The following PEAK1 variants were observed in gnomAD, a reference collection of about 807,000 sequenced individuals.
PEAK1 encodes the protein pseudopodium enriched atypical kinase 1.
Under a neutral mutation model 124.7 loss-of-function variants are expected in PEAK1, and 54 were observed. The ratio of observed to expected loss-of-function variants is 0.43; its 90% CI spans 0.35 to 0.54. The LOEUF is 0.54. Among genes scored for constraint, PEAK1 ranks in the 20% least tolerant of loss-of-function variants. The pLI, the probability that PEAK1 is intolerant of heterozygous loss-of-function variation, is 0.01. For synonymous variants in PEAK1, 719 were observed against 760.0 expected (o/e 0.95, Z 0.89); for missense variants, 2,046 against 2,134.5 (o/e 0.96, Z 0.82).
intron 5 of PEAK1, among the ~76,000 whole-genome samples, chr15:77,263,937 C>T (rs950104735): frequency 6.6e-6 from 1 of 151,300 alleles, no homozygotes; most frequent in South Asian, 2.1e-4. Flanking sequence ...ACCTGGGATG[C>T]AAGGCTGGTT....
intron 6 of PEAK1, among the ~76,000 whole-genome samples, chr15:77,226,088 T>TATATATATATAA (rs2059661713): frequency 7.9e-6 from 1 of 125,838 alleles, no homozygotes; most frequent in African/African-American, 3.0e-5. Flanking sequence ...TATATATATA[T>TATATATATATAA]TACACACACA....
chr15:77,350,012 G>A, intron 2 of PEAK1: 1 of 984,676 alleles, frequency 1.0e-6, no homozygotes, highest in Non-Finnish European at 1.2e-6. Flanking sequence ...GGTTTAAGAA[G>A]AAGACATAGA....
intron 1 of PEAK1, among the ~76,000 whole-genome samples, chr15:77,369,967 C>T (rs1008794052): frequency 6.6e-6 from 1 of 152,148 alleles, no homozygotes; most frequent in Non-Finnish European, 1.5e-5. Context: ...CACTCTCCTC[C>T]AACTCTCCAC....
chr15:77,365,597 G>C (rs2068168167), intron 1 of PEAK1, among the ~76,000 whole-genome samples: 1 of 152,024 alleles, frequency 6.6e-6, no homozygotes, highest in African/African-American at 2.4e-5. Context: ...AAAATTAGCT[G>C]GACATGGTGG....
At chr15:77,263,320 G>GT (rs1245527493) in intron 5 of PEAK1, among the ~76,000 whole-genome samples, 5 of 152,050 alleles carry the variant, frequency 3.3e-5, no homozygotes, top group Admixed American at 6.6e-5. Context: ...CCAGGAGCTG[G>GT]TTTTTTGAAA....
intron 1 of PEAK1, among the ~76,000 whole-genome samples, chr15:77,368,117 A>G (rs1358579979): frequency 2.0e-5 from 3 of 152,244 alleles, no homozygotes; most frequent in Non-Finnish European, 4.4e-5. Flanking sequence ...TATATAACAT[A>G]TATTTAGAAT....
chr15:77,313,957 C>A (rs752728614), intron 2 of PEAK1, among the ~76,000 whole-genome samples: 1 of 151,892 alleles, frequency 6.6e-6, no homozygotes, highest in African/African-American at 2.4e-5. Flanking sequence ...CTGGCAAACA[C>A]TACCTTAGCC....
At chr15:77,221,031 CTAT>C (rs1337458340) in intron 6 of PEAK1, among the ~76,000 whole-genome samples, 1 of 152,048 alleles carries the variant, frequency 6.6e-6, no homozygotes, top group African/African-American at 2.4e-5. Flanking sequence ...AAGTATTCTA[CTAT>C]GAGGATAGAA....
intron 1 of PEAK1, among the ~76,000 whole-genome samples, chr15:77,374,369 T>C (rs1435568931): frequency 6.6e-6 from 1 of 152,178 alleles, no homozygotes; most frequent in Non-Finnish European, 1.5e-5. Context: ...GAAATGTACC[T>C]AGAACGTAAA....
At chr15:77,375,307 G>T (rs533913584) in intron 1 of PEAK1, among the ~76,000 whole-genome samples, 6 of 152,254 alleles carry the variant, frequency 3.9e-5, no homozygotes, top group South Asian at 2.1e-4. Flanking sequence ...CAGTCAGCTA[G>T]TAAGTGGCAA....
At chr15:77,338,525 A>G (rs1276673906) in intron 2 of PEAK1, among the ~76,000 whole-genome samples, 1 of 152,114 alleles carries the variant, frequency 6.6e-6, no homozygotes, top group African/African-American at 2.4e-5. Context: ...GTATTTCTAC[A>G]ATAGCTTCTG....
At chr15:77,219,295 C>T (rs2059282339) in intron 6 of PEAK1, among the ~76,000 whole-genome samples, 1 of 151,500 alleles carries the variant, frequency 6.6e-6, no homozygotes, top group South Asian at 2.1e-4. Context: ...GATTGATGAC[C>T]CCGAAATTTT....
rs1567270268 is a variant in PEAK1 at position 77,332,145 on chromosome 15, T to TAA, written c.-603+33016_-603+33017dup. ...TCTCAAAAAAATATAAAAATAAATTTAAAAATAAGTTGCTTTAGAGAATAG... is the reference window on the plus strand; with the variant it reads ...TCTCAAAAAAATATAAAAATAAATTTAAAAAAATAAGTTGCTTTAGAGAATAG... On this transcript the variant is annotated intron_variant, in intron 2 of 9. Transcript: ENST00000682557. 3.2e-5 allele frequency: 29 copies of TAA among 920,574 alleles called. No individual in the cohort carries two copies. In the African/African-American group the frequency reaches 5.2e-4, roughly 17 times the overall value. The allele number at this position is 920,574 out of a possible 1,614,324, so 57.0% of individuals were successfully genotyped here.
chr15:77,349,563 G>A, intron 2 of PEAK1: 1 of 984,540 alleles, frequency 1.0e-6, no homozygotes, highest in Non-Finnish European at 1.2e-6. Context: ...ATTTAAACCA[G>A]ATAGGTGGGT....
intron 1 of PEAK1, chr15:77,418,402 T>C: frequency 1.0e-6 from 1 of 985,328 alleles, no homozygotes; most frequent in Non-Finnish European, 1.2e-6. Flanking sequence ...CATGATAAAA[T>C]ATTTCCCTTT....
intron 2 of PEAK1, chr15:77,336,175 T>C: frequency 1.0e-6 from 1 of 985,416 alleles, no homozygotes. Flanking sequence ...ACCTACTTGT[T>C]CTACAACCAC....
At chr15:77,371,329 TTTAA>T (rs2068626323) in intron 1 of PEAK1, 3 of 915,264 alleles carry the variant, frequency 3.3e-6, no homozygotes, top group Non-Finnish European at 3.9e-6. Flanking sequence ...TATTCCTTCC[TTTAA>T]TTATGCAGTA....
chr15:77,129,605 T>TTA (rs1485437850), intron 9 of PEAK1, among the ~76,000 whole-genome samples: 1 of 150,994 alleles, frequency 6.6e-6, no homozygotes, highest in Admixed American at 6.6e-5. Flanking sequence ...CTGGCTATTT[T>TTA]TTTTTTTTTT....
At chr15:77,407,586 T>C (rs2071937799) in intron 1 of PEAK1, among the ~76,000 whole-genome samples, 1 of 152,188 alleles carries the variant, frequency 6.6e-6, no homozygotes, top group African/African-American at 2.4e-5. Context: ...CCTGCAAGAA[T>C]GGCCATAATC....
Sources: gnomAD v4.1 joint callset for allele counts (sites outside exome capture counted in the v4.1 genomes callset) on GRCh38, gnomAD v4.1.1 for gene constraint, MANE v1.5 for transcripts, NCBI Gene and HGNC (gene_info 2026-07-23, HGNC 2026-07-21) for gene names.